Variants in BAZ1A observed in about 807,000 individuals in gnomAD.
BAZ1A encodes bromodomain adjacent to zinc finger domain 1A, also known as bromodomain adjacent to zinc finger domain protein 1A.
In BAZ1A, 50 loss-of-function variants were observed where a neutral mutation model predicts 185.2. That is an observed-to-expected ratio of 0.27 (90% confidence interval 0.22 to 0.34). BAZ1A has a LOEUF of 0.34. Ranked by LOEUF, BAZ1A falls within the 10% of genes least tolerant of loss-of-function variation. BAZ1A has a pLI of 1.00. For missense variants in BAZ1A, 1,356 were observed against 1,839.9 expected (o/e 0.74, Z 4.81); for synonymous variants, 571 against 615.6 (o/e 0.93, Z 1.07).
intron 6 of BAZ1A, among the ~76,000 whole-genome samples, chr14:34,806,480 A>C (rs1037165498): frequency 6.6e-6 from 1 of 152,148 alleles, no homozygotes; most frequent in Non-Finnish European, 1.5e-5. Flanking sequence ...CCCAGGCTCA[A>C]GTGATCCTCC....
intron 3 of BAZ1A, among the ~76,000 whole-genome samples, chr14:34,827,680 A>G (rs1319234579): frequency 6.6e-6 from 1 of 151,028 alleles, no homozygotes; most frequent in Non-Finnish European, 1.5e-5. Context: ...GTTTGCAGTG[A>G]GCCGAGATTG....
At chr14:34,825,967 T>G in intron 4 of BAZ1A, 46 bp downstream of exon 4, 4 of 1,478,526 alleles carry the variant, frequency 2.7e-6, no homozygotes, top group Non-Finnish European at 3.6e-6. Flanking sequence ...TGGAATATCA[T>G]TAGGCAATCT....
At chr14:34,764,170 C>T (rs1422386804) in intron 23 of BAZ1A, among the ~76,000 whole-genome samples, 2 of 152,018 alleles carry the variant, frequency 1.3e-5, no homozygotes, top group Non-Finnish European at 2.9e-5. Flanking sequence ...GTGCATTTAT[C>T]ACTCTCTCTC....
intron 3 of BAZ1A, among the ~76,000 whole-genome samples, chr14:34,854,280 G>A (rs539745507): frequency 6.6e-6 from 1 of 152,156 alleles, no homozygotes; most frequent in East Asian, 1.9e-4. Flanking sequence ...AAATTAGCCG[G>A]TCATGGTGGT....
chr14:34,754,757 T>C, intron 26 of BAZ1A, 70 bp downstream of exon 26: 2 of 1,109,280 alleles, frequency 1.8e-6, no homozygotes, highest in South Asian at 1.5e-5. Context: ...TAAACAAAAA[T>C]AAATATCAAA....
intron 5 of BAZ1A, among the ~76,000 whole-genome samples, chr14:34,810,517 T>C (rs939411676): frequency 1.3e-5 from 2 of 152,242 alleles, no homozygotes; most frequent in African/African-American, 4.8e-5. Context: ...ACATTAAAAA[T>C]TGAGTTATCT....
intron 4 of BAZ1A, among the ~76,000 whole-genome samples, chr14:34,821,272 A>G (rs920124590): frequency 2.0e-5 from 3 of 152,236 alleles, no homozygotes; most frequent in African/African-American, 7.2e-5. Flanking sequence ...ACTAAGTGAT[A>G]TAAGGATATG....
At chr14:34,865,683 A>G in intron 2 of BAZ1A, among the ~76,000 whole-genome samples, 1 of 152,234 alleles carries the variant, frequency 6.6e-6, no homozygotes, top group East Asian at 1.9e-4. Flanking sequence ...ATGGCTCTTA[A>G]TTCAGTACAA....
Position 34,874,304 on chromosome 14 carries a change from G to C in BAZ1A, c.113+188C>G. ...CCAACCCGCGTTCCCCACGCGCGCC[G>C]CCGCCAGTTGGCCCCGCGCGTTCTC... On this transcript the variant is annotated intron_variant, in intron 2 of 26. Transcript: ENST00000360310. This position sits in a 1 kb window ranked among gnomAD's most constrained non-coding sequence, Gnocchi z 4.7. The C allele has an allele frequency of 1.8e-6, 1 of 569,068 alleles. No homozygotes were observed. The highest frequency in any genetic ancestry group is 3.0e-6 in the Non-Finnish European group (1 of 327,916). 35.3% of individuals were successfully genotyped at this position (569,068 alleles called of 1,614,324 possible).
In BAZ1A at chr14:34,765,110, A is replaced by G. The variant is rs934795848; in HGVS notation, c.3460T>C (p.Cys1154Arg). ...TTTTCAGCATCGCCTTTCTTTCGAC[A>G]TATCTTGCAACGCGCATTCAGTATA... ...KSILNARCKI[C>R]RKKGDAENMV... is the part of the protein sequence containing the mutation. The change falls in exon 22 of 27, where the codon TGT (cysteine) becomes CGT (arginine). Residue 1154 changes from cysteine to arginine, a missense_variant. Around this residue, in one of 7 missense-constraint regions of BAZ1A, gnomAD observed 309 missense variants for 355.3 expected, o/e 0.87. Transcript: ENST00000360310. The G allele has an allele frequency of 1.9e-6, 3 of 1,614,164 alleles. No individual in the cohort carries two copies. The highest frequency in any genetic ancestry group is 1.1e-5 in the South Asian group (1 of 91,086).
chr14:34,863,013 G>T (rs1265280425), intron 2 of BAZ1A, among the ~76,000 whole-genome samples: 1 of 147,456 alleles, frequency 6.8e-6, no homozygotes, highest in Admixed American at 6.8e-5. Context: ...TTTTGAGACG[G>T]AGTCTCACTC....
At chr14:34,765,695 A>G (rs1204890282) in intron 21 of BAZ1A, among the ~76,000 whole-genome samples, 2 of 152,232 alleles carry the variant, frequency 1.3e-5, no homozygotes, top group Non-Finnish European at 2.9e-5. Context: ...CTTCTAAGAA[A>G]ATAGTTTTAA....
chr14:34,759,884 A>G (rs1218161800), intron 24 of BAZ1A, among the ~76,000 whole-genome samples: 1 of 152,034 alleles, frequency 6.6e-6, no homozygotes, highest in Non-Finnish European at 1.5e-5. Context: ...TGTGTTGGCC[A>G]GGCTGGTCTC....
chr14:34,840,630 G>T (rs954170386), intron 3 of BAZ1A, among the ~76,000 whole-genome samples: 3 of 151,882 alleles, frequency 2.0e-5, no homozygotes, highest in Admixed American at 6.6e-5. Flanking sequence ...ATGGTGGTGG[G>T]CCCCTGTAAT....
chr14:34,845,049 C>A (rs1471474812), intron 3 of BAZ1A, among the ~76,000 whole-genome samples: 2 of 151,962 alleles, frequency 1.3e-5, no homozygotes, highest in African/African-American at 4.8e-5. Context: ...GTGACAAAGA[C>A]CATATGGACC....
chr14:34,836,863 A>G (rs760702664), intron 3 of BAZ1A, among the ~76,000 whole-genome samples: 4 of 152,028 alleles, frequency 2.6e-5, no homozygotes, highest in Non-Finnish European at 4.4e-5. Context: ...AGAAAAAAGG[A>G]AAAGATTGCT....
intron 21 of BAZ1A, 142 bp downstream of exon 21, chr14:34,771,369 G>T (rs182097058): frequency 1.9e-4 from 148 of 794,454 alleles, no homozygotes; most frequent in African/African-American, 1.8e-3. Context: ...CACCTTAAAA[G>T]AACTCATTTA....
intron 5 of BAZ1A, 116 bp downstream of exon 5, chr14:34,810,818 AT>A: frequency 1.3e-6 from 1 of 743,246 alleles, no homozygotes. Flanking sequence ...ATGTACATTT[AT>A]TTTTAAGAAG....
At chr14:34,847,317 T>A (rs2042530301) in intron 3 of BAZ1A, among the ~76,000 whole-genome samples, 1 of 152,164 alleles carries the variant, frequency 6.6e-6, no homozygotes, top group African/African-American at 2.4e-5. Flanking sequence ...TAAGACTTTT[T>A]TGTCCTGGAA....
Sources: gnomAD v4.1 joint callset for allele counts (sites outside exome capture counted in the v4.1 genomes callset) on GRCh38, gnomAD v4.1.1 for gene constraint, gnomAD v4.1.1 regional missense constraint, Gnocchi (gnomAD v3.1) non-coding constraint, MANE v1.5 for transcripts, NCBI Gene and HGNC (gene_info 2026-07-23, HGNC 2026-07-21) for gene names.